The following PGCKA1 variants were observed in gnomAD, a reference collection of about 807,000 sequenced individuals.
The protein encoded by PGCKA1 is PDCD10 and GCKIII kinases-associated protein 1.
At chr4:37,465,197 G>A in the PGCKA1 span, among the ~76,000 whole-genome samples, 12 of 151,766 alleles carry the variant, frequency 7.9e-5, no homozygotes, top group East Asian at 2.1e-3. Flanking sequence ...TATACTGGAG[G>A]GCCCATTCCA....
chr4:37,551,299 C>T, the PGCKA1 span, among the ~76,000 whole-genome samples: 7 of 152,032 alleles, frequency 4.6e-5, no homozygotes, highest in African/African-American at 1.4e-4. Flanking sequence ...AAAAACGAAG[C>T]GTAGCCATAG....
the PGCKA1 span, among the ~76,000 whole-genome samples, chr4:37,550,669 A>C: frequency 3.3e-5 from 5 of 152,364 alleles, no homozygotes; most frequent in Middle Eastern, 3.4e-3. Flanking sequence ...CCCGTATTTC[A>C]GACTTTCTAT....
the PGCKA1 span, among the ~76,000 whole-genome samples, chr4:37,475,125 A>G: frequency 6.6e-6 from 1 of 152,154 alleles, no homozygotes; most frequent in African/African-American, 2.4e-5. Context: ...TTTTCCAGAT[A>G]CTGTTAGACC....
the PGCKA1 span, among the ~76,000 whole-genome samples, chr4:37,570,964 G>A: frequency 1.3e-5 from 2 of 152,198 alleles, no homozygotes; most frequent in East Asian, 3.9e-4. Context: ...TTTGATTGTG[G>A]AAAAGGGTAT....
At chr4:37,520,998 C>A in the PGCKA1 span, among the ~76,000 whole-genome samples, 3 of 152,022 alleles carry the variant, frequency 2.0e-5, no homozygotes, top group African/African-American at 7.2e-5. Context: ...TTTTGTTTAA[C>A]TTTTCAAAAA....
At chr4:37,578,230 G>T in the PGCKA1 span, among the ~76,000 whole-genome samples, 1 of 152,138 alleles carries the variant, frequency 6.6e-6, no homozygotes, top group Non-Finnish European at 1.5e-5. Context: ...GAATGCTCCA[G>T]TGTTGGGCGC....
the PGCKA1 span, among the ~76,000 whole-genome samples, chr4:37,559,527 T>C: frequency 6.6e-6 from 1 of 151,626 alleles, no homozygotes; most frequent in Non-Finnish European, 1.5e-5. Flanking sequence ...CACACCAGCA[T>C]GGCACATGTA....
the PGCKA1 span, chr4:37,460,874 A>G: frequency 3.5e-3 from 1,384 of 397,588 alleles, 26 homozygotes; most frequent in African/African-American, 0.029. Flanking sequence ...TTTTTGTTGC[A>G]ATTATTTTTG....
At chr4:37,572,102 G>C in the PGCKA1 span, among the ~76,000 whole-genome samples, 2 of 118,584 alleles carry the variant, frequency 1.7e-5, no homozygotes, top group South Asian at 5.7e-4. Flanking sequence ...TCGCTCTGTC[G>C]CCCAGGCTGG....
the PGCKA1 span, among the ~76,000 whole-genome samples, chr4:37,468,687 C>T: frequency 1.3e-5 from 2 of 152,082 alleles, no homozygotes; most frequent in Admixed American, 1.3e-4. Context: ...TTTTCCATAT[C>T]CTAAACATTG....
At chr4:37,552,088 G>A in the PGCKA1 span, among the ~76,000 whole-genome samples, 10 of 152,170 alleles carry the variant, frequency 6.6e-5, no homozygotes, top group Non-Finnish European at 1.2e-4. Flanking sequence ...CAGGCAGCCC[G>A]GGGCCAGGCC....
the PGCKA1 span, among the ~76,000 whole-genome samples, chr4:37,506,624 T>C: frequency 1.3e-5 from 2 of 151,980 alleles, no homozygotes; most frequent in African/African-American, 4.8e-5. Flanking sequence ...TAATTTTATT[T>C]AATTGTGGTT....
At chr4:37,513,101 AGAAAGAAAG>A in the PGCKA1 span, among the ~76,000 whole-genome samples, 14 of 144,854 alleles carry the variant, frequency 9.7e-5, 3 homozygotes, top group Admixed American at 2.7e-4. Context: ...AAAAAAAAAA[AGAAAGAAAG>A]AAAGAAAGAA....
chr4:37,477,423 A>G, the PGCKA1 span, among the ~76,000 whole-genome samples: 3 of 152,308 alleles, frequency 2.0e-5, no homozygotes, highest in South Asian at 6.2e-4. Context: ...GCTAAAGTTG[A>G]TGGCTATGGG....
chr4:37,519,359 T>C, the PGCKA1 span, among the ~76,000 whole-genome samples: 14 of 152,098 alleles, frequency 9.2e-5, no homozygotes, highest in Non-Finnish European at 1.5e-4. Flanking sequence ...TTGCTTTGGG[T>C]AGTATGGACA....
the PGCKA1 span, among the ~76,000 whole-genome samples, chr4:37,464,834 C>G: frequency 6.6e-6 from 1 of 152,100 alleles, no homozygotes; most frequent in African/African-American, 2.4e-5. Context: ...AGGGTAAAAC[C>G]TATAATCAAT....
chr4:37,479,721 T>G, the PGCKA1 span, among the ~76,000 whole-genome samples: 1 of 152,122 alleles, frequency 6.6e-6, no homozygotes, highest in Non-Finnish European at 1.5e-5. Flanking sequence ...AAGAGGAAGA[T>G]AGTTCAAGAT....
the PGCKA1 span, among the ~76,000 whole-genome samples, chr4:37,547,786 A>G: frequency 2.0e-5 from 3 of 152,234 alleles, no homozygotes; most frequent in Non-Finnish European, 2.9e-5. Context: ...GAGGCCATCT[A>G]TACCAATTCT....
At chr4:37,457,025 T>C in the PGCKA1 span, among the ~76,000 whole-genome samples, 2 of 152,248 alleles carry the variant, frequency 1.3e-5, no homozygotes, top group African/African-American at 2.4e-5. Flanking sequence ...CCACATTTCA[T>C]TGCAATGTTC....
Sources: gnomAD v4.1 joint callset for allele counts (sites outside exome capture counted in the v4.1 genomes callset) on GRCh38, gnomAD v4.1.1 for gene constraint, MANE v1.5 for transcripts, NCBI Gene and HGNC (gene_info 2026-07-23, HGNC 2026-07-21) for gene names.